The following SPSB1 variants were observed in gnomAD, a reference collection of about 807,000 sequenced individuals.
SPSB1 encodes the protein splA/ryanodine receptor domain and SOCS box containing 1.
SPSB1 carries 8 observed loss-of-function variants against 21.2 expected under a neutral mutation model. That is an observed-to-expected ratio of 0.38 (90% CI 0.22 to 0.68). SPSB1 has a LOEUF of 0.68. Ranked by LOEUF, SPSB1 falls within the 30% of genes least tolerant of loss-of-function variation. The probability of loss-of-function intolerance (pLI) is 0.53; values close to 1 mark genes in which losing one functional copy is unlikely to be tolerated. For missense variants in SPSB1, 242 were observed against 377.8 expected (o/e 0.64, Z 2.98); for synonymous variants, 169 against 161.7 (o/e 1.05, Z -0.34).
At chr1:9,364,442 C>T (rs577578598) in intron 2 of SPSB1, among the ~76,000 whole-genome samples, 26 of 152,298 alleles carry the variant, frequency 1.7e-4, no homozygotes, top group Middle Eastern at 3.4e-3. Flanking sequence ...GAAACAAGTC[C>T]GGGCAGACGG....
At chr1:9,343,995 A>G (rs1057090569) in intron 1 of SPSB1, among the ~76,000 whole-genome samples, 3 of 152,112 alleles carry the variant, frequency 2.0e-5, no homozygotes, top group Middle Eastern at 3.2e-3. Context: ...TCACCGTGTT[A>G]GCCAGGATGG....
chr1:9,339,394 A>T, intron 1 of SPSB1: 3 of 756,168 alleles, frequency 4.0e-6, no homozygotes, highest in Middle Eastern at 6.7e-4. Flanking sequence ...GGCAGGACCC[A>T]GGGTCCTCAG....
At chr1:9,342,663 C>T (rs996073772) in intron 1 of SPSB1, among the ~76,000 whole-genome samples, 3 of 152,224 alleles carry the variant, frequency 2.0e-5, no homozygotes, top group South Asian at 2.1e-4. Flanking sequence ...TCATCCCCTC[C>T]CCAGACCACA....
At chr1:9,341,246 C>T (rs949403919) in intron 1 of SPSB1, among the ~76,000 whole-genome samples, 2 of 152,260 alleles carry the variant, frequency 1.3e-5, no homozygotes, top group Non-Finnish European at 2.9e-5. Flanking sequence ...CACCACTCCC[C>T]ACCAGGGCAC....
At position 9,305,581 on chromosome 1, in the gene SPSB1, T is replaced by C. The variant is rs1279573869; in HGVS notation, c.-150+12510T>C. On this transcript the variant is annotated intron_variant, in intron 1 of 2. Transcript: ENST00000328089. The surrounding 1 kb of genome is among the most constrained non-coding windows in gnomAD (Gnocchi z 4.8). ...GGGAGAGCTCGATGTGGGCCCAGGG[T>C]GTGGGTGCTGGGGGTGGGGACTCCC... 1.3e-5 allele frequency among the ~76,000 whole-genome samples: 2 copies of C among 152,044 alleles called. No individual in the cohort carries two copies. The highest frequency in any genetic ancestry group is 4.8e-5 in the African/African-American group (2 of 41,394).
intron 1 of SPSB1, among the ~76,000 whole-genome samples, chr1:9,298,129 T>A (rs1226746383): frequency 1.3e-5 from 2 of 152,200 alleles, no homozygotes; most frequent in Non-Finnish European, 2.9e-5. Context: ...TGTGTGGATC[T>A]ATGGCATTGG....
chr1:9,355,332 A>G (rs1447559730), intron 1 of SPSB1, among the ~76,000 whole-genome samples: 2 of 152,240 alleles, frequency 1.3e-5, no homozygotes, highest in African/African-American at 4.8e-5. Context: ...CTGAACCGCA[A>G]GGCAAGGGCC....
rs867163339 is a variant in SPSB1, at chr1:9,309,880, T to C, written c.-150+16809T>C. On this transcript the variant is annotated intron_variant, in intron 1 of 2. Coordinates refer to ENST00000328089, the MANE Select transcript of SPSB1 (RefSeq NM_025106.4). ...AGAGTAGAGTAGAATAAAATAGTGG[T>C]AACTGGGGGCCCTGACCAGTCTCCC... Among the ~76,000 whole-genome samples the C allele has an allele frequency of 3.9e-5, 6 of 152,166 alleles. No individual in the cohort carries two copies. The South Asian group carries it at 1.0e-3, about 26-fold the overall frequency.
At position 9,305,534 on chromosome 1, in the gene SPSB1, G is replaced by T. The variant is rs1004903431; in HGVS notation, c.-150+12463G>T. On this transcript the variant is annotated intron_variant, in intron 1 of 2. Coordinates refer to ENST00000328089, the MANE Select transcript of SPSB1 (RefSeq NM_025106.4). This position sits in a 1 kb window ranked among gnomAD's most constrained non-coding sequence, Gnocchi z 4.8. ...TGAAGGAGTAGGTAAGACCGGTGGC[G>T]TAGTGGATCCTAGCAGGGTCTGGGA... is the stretch of plus-strand genomic sequence containing the variant. Among the ~76,000 whole-genome samples the T allele has an allele frequency of 6.6e-6, 1 of 152,178 alleles. No homozygotes were observed. The highest frequency in any genetic ancestry group is 2.4e-5 in the African/African-American group (1 of 41,438).
In SPSB1 at chr1:9,348,562, C is replaced by T. The variant is rs1557462113; in HGVS notation, c.-149-7181C>T. On this transcript the variant is annotated intron_variant, in intron 1 of 2. Coordinates refer to ENST00000328089, the MANE Select transcript of SPSB1 (RefSeq NM_025106.4). This position sits in a 1 kb window ranked among gnomAD's most constrained non-coding sequence, Gnocchi z 4.8. ...CATCCCCTGGGATCAGCATTCATTT[C>T]CAGGCTTCCTTCCCTCTGTATCTGC... is the stretch of plus-strand genomic sequence containing the variant. 6.6e-6 allele frequency among the ~76,000 whole-genome samples: 1 copy of T among 152,088 alleles called. No homozygotes were observed. The highest frequency in any genetic ancestry group is 2.4e-5 in the African/African-American group (1 of 41,414).
At chr1:9,325,225 ACC>A (rs33978312) in intron 1 of SPSB1, among the ~76,000 whole-genome samples, 109,045 of 134,458 alleles carry the variant, frequency 0.81, 45,181 homozygotes, top group Non-Finnish European at 0.9. Flanking sequence ...TCCCACCACC[ACC>A]CCCCCCCCCC....
intron 1 of SPSB1, among the ~76,000 whole-genome samples, chr1:9,329,118 C>T (rs975508592): frequency 1.3e-5 from 2 of 152,130 alleles, no homozygotes; most frequent in African/African-American, 4.8e-5. Flanking sequence ...GTGGCGGGGA[C>T]AGCCTCCCAA....
In SPSB1 at chr1:9,293,318, G is replaced by C. The variant is rs1359385702; in HGVS notation, c.-150+247G>C. Among the ~76,000 whole-genome samples the C allele has an allele frequency of 6.7e-6, 1 of 150,192 alleles. No homozygotes were observed. The highest frequency in any genetic ancestry group is 2.0e-4 in the East Asian group (1 of 5,052). ...TGGGAGAGGGGCCCAGGCCCGCCCCGCGCTGCCGCCGCTGCAGGGCAGGGG... is the reference window on the plus strand; with the variant it reads ...TGGGAGAGGGGCCCAGGCCCGCCCCCCGCTGCCGCCGCTGCAGGGCAGGGG... On this transcript the variant is annotated intron_variant, in intron 1 of 2. Transcript: ENST00000328089. The surrounding 1 kb of genome is among the most constrained non-coding windows in gnomAD (Gnocchi z 5.1).
At chr1:9,295,418 A>G (rs1238528718) in intron 1 of SPSB1, among the ~76,000 whole-genome samples, 2 of 152,152 alleles carry the variant, frequency 1.3e-5, no homozygotes, top group Non-Finnish European at 2.9e-5. Context: ...GGCTTAAGAG[A>G]GACCTGGCCC....
chr1:9,332,250 C>A lies in SPSB1; in HGVS notation c.-149-23493C>A, dbSNP rs1185733101. Among the ~76,000 whole-genome samples, 3 of 151,682 alleles carry A rather than the reference C, an allele frequency of 2.0e-5. No individual in the cohort carries two copies. In the East Asian group the frequency reaches 5.8e-4, roughly 29 times the overall value. On this transcript the variant is annotated intron_variant, in intron 1 of 2. Transcript: ENST00000328089. Reference sequence around the variant, plus strand: ...AAGATTTGTTTGAGTGGGCTGAGATCTAAGGGACTTGGAGACTCTTGCAGT... The same window carrying A: ...AAGATTTGTTTGAGTGGGCTGAGATATAAGGGACTTGGAGACTCTTGCAGT...
intron 1 of SPSB1, among the ~76,000 whole-genome samples, chr1:9,300,852 G>A (rs1570168738): frequency 6.6e-6 from 1 of 152,212 alleles, no homozygotes; most frequent in East Asian, 1.9e-4. Flanking sequence ...CTGTATCTAT[G>A]GTCTCCTGGG....
chr1:9,296,658 A>G (rs1639231550), intron 1 of SPSB1, among the ~76,000 whole-genome samples: 1 of 152,248 alleles, frequency 6.6e-6, no homozygotes, highest in African/African-American at 2.4e-5. Flanking sequence ...ATTTTGAAGC[A>G]AATACAAGAT....
chr1:9,356,590 G>A lies in SPSB1; in HGVS notation c.694+5G>A. ...GCTACTTGAACGGACTCGATCGTAA[G>A]TGTCTCCTCTGCTGTCAGAGGCAAT... On this transcript the variant is annotated splice_donor_5th_base_variant and intron_variant, in intron 2 of 2. Transcript: ENST00000328089. The surrounding 1 kb of genome is among the most constrained non-coding windows in gnomAD (Gnocchi z 7.4). 6.3e-7 allele frequency: 1 copy of A among 1,578,976 alleles called. No individual in the cohort carries two copies. Among genetic ancestry groups the A allele is most frequent in the Non-Finnish European group, 8.6e-7 (1 of 1,158,384 alleles).
intron 1 of SPSB1, among the ~76,000 whole-genome samples, chr1:9,335,274 G>T (rs1359852499): frequency 1.3e-5 from 2 of 152,096 alleles, no homozygotes; most frequent in South Asian, 4.1e-4. Flanking sequence ...GGCTGAGGTG[G>T]CCAGATCACC....
Sources: gnomAD v4.1 joint callset for allele counts (sites outside exome capture counted in the v4.1 genomes callset) on GRCh38, gnomAD v4.1.1 for gene constraint, Gnocchi (gnomAD v3.1) non-coding constraint, MANE v1.5 for transcripts, NCBI Gene and HGNC (gene_info 2026-07-23, HGNC 2026-07-21) for gene names.